Variants in ABCD3 observed in about 807,000 individuals in gnomAD.
ABCD3 encodes the protein ATP binding cassette subfamily D member 3.
In ABCD3, 41 loss-of-function variants were observed where a neutral mutation model predicts 105.5. The observed-to-expected ratio is 0.39, with a 90% CI of 0.30 to 0.50. The LOEUF (loss-of-function observed/expected upper bound fraction) is 0.50, where lower values mean the gene tolerates loss of function less well. Ranked by LOEUF, ABCD3 falls within the 20% of genes least tolerant of loss-of-function variation. The pLI is 0.84. For missense variants in ABCD3, 622 were observed against 806.3 expected (o/e 0.77, Z 2.77); for synonymous variants, 258 against 269.0 (o/e 0.96, Z 0.40).
intron 1 of ABCD3, chr1:94,418,796 T>C (rs1457812907): frequency 1.7e-6 from 1 of 587,534 alleles, no homozygotes; most frequent in African/African-American, 1.9e-5. Context: ...TCCGGCGACC[T>C]CGCTCCACCC....
chr1:94,419,473 A>G (rs1659172629), intron 1 of ABCD3: 3 of 424,562 alleles, frequency 7.1e-6, no homozygotes, highest in South Asian at 9.9e-5. Context: ...TATGTATGTC[A>G]CATACATGCA....
At chr1:94,477,171 G>C (rs1648785276) in intron 7 of ABCD3, among the ~76,000 whole-genome samples, 1 of 115,302 alleles carries the variant, frequency 8.7e-6, no homozygotes. Context: ...TTTGTCATAA[G>C]TTTTAACAGT....
intron 1 of ABCD3, among the ~76,000 whole-genome samples, chr1:94,434,639 G>A (rs1438093318): frequency 6.6e-6 from 1 of 152,138 alleles, no homozygotes; most frequent in African/African-American, 2.4e-5. Context: ...ATGTTATGCA[G>A]TACATGAGTG....
intron 4 of ABCD3, among the ~76,000 whole-genome samples, chr1:94,472,454 GTT>G (rs4148072): frequency 1.2e-3 from 179 of 143,782 alleles, no homozygotes; most frequent in Admixed American, 1.4e-3. Flanking sequence ...TGTAGTTAGC[GTT>G]TTTTTTTTTT....
chr1:94,463,638 T>TCC (rs1408284408), intron 2 of ABCD3, among the ~76,000 whole-genome samples: 1 of 152,130 alleles, frequency 6.6e-6, no homozygotes, highest in Non-Finnish European at 1.5e-5. Context: ...TTCCAAGAAG[T>TCC]TTCCCCTGTC....
At chr1:94,488,098 G>A (rs1649355606) in intron 13 of ABCD3, 115 bp downstream of exon 13, 1 of 908,378 alleles carries the variant, frequency 1.1e-6, no homozygotes, top group Non-Finnish European at 1.7e-6. Context: ...GCCCAGGAAG[G>A]TGGTTTTGAT....
chr1:94,441,057 G>T (rs1186894625), intron 1 of ABCD3, among the ~76,000 whole-genome samples: 2 of 152,158 alleles, frequency 1.3e-5, no homozygotes. Flanking sequence ...CCTGGGTGTA[G>T]GGAAAGCTTT....
At chr1:94,477,696 G>T (rs1466995815) in intron 7 of ABCD3, among the ~76,000 whole-genome samples, 1 of 67,580 alleles carries the variant, frequency 1.5e-5, no homozygotes, top group African/African-American at 3.3e-5. Context: ...AGTTGTCTCT[G>T]TGTGTAAAGA....
the ABCD3 span, among the ~76,000 whole-genome samples, chr1:94,401,894 A>T: frequency 6.6e-6 from 1 of 152,282 alleles, no homozygotes; most frequent in Non-Finnish European, 1.5e-5. Flanking sequence ...TACCCATAAA[A>T]CCACCACCCC....
intron 17 of ABCD3, 39 bp from the exon 18 acceptor site, chr1:94,498,744 A>G: frequency 6.2e-7 from 1 of 1,613,380 alleles, no homozygotes; most frequent in Non-Finnish European, 8.5e-7. Context: ...CACTTTGTAA[A>G]TTTTACAATT....
At chr1:94,486,039 A>G (rs1649262131) in intron 10 of ABCD3, among the ~76,000 whole-genome samples, 1 of 152,116 alleles carries the variant, frequency 6.6e-6, no homozygotes, top group South Asian at 2.1e-4. Flanking sequence ...TAAAAATACA[A>G]AAATTAGCCG....
the ABCD3 span, among the ~76,000 whole-genome samples, chr1:94,392,031 G>GT: frequency 6.6e-6 from 1 of 152,108 alleles, no homozygotes; most frequent in African/African-American, 2.4e-5. Flanking sequence ...GAAAGTTGGG[G>GT]TTTTTTCTTT....
At chr1:94,415,995 C>T (rs1454330223), upstream of ABCD3, among the ~76,000 whole-genome samples, 3 of 152,152 alleles carry the variant, frequency 2.0e-5, no homozygotes, top group Admixed American at 6.5e-5. Flanking sequence ...TATTTGAGCT[C>T]GAATAACTAG....
At chr1:94,445,182 C>T (rs760925621) in intron 1 of ABCD3, among the ~76,000 whole-genome samples, 3 of 152,190 alleles carry the variant, frequency 2.0e-5, no homozygotes, top group Non-Finnish European at 4.4e-5. Flanking sequence ...GCTCTCAGCT[C>T]TGAAGGCTGT....
chr1:94,502,617 C>G (rs1179875925), intron 20 of ABCD3, among the ~76,000 whole-genome samples: 1 of 151,830 alleles, frequency 6.6e-6, no homozygotes. Flanking sequence ...CTGCCTCAGC[C>G]TCCCAAGTAG....
the ABCD3 span, among the ~76,000 whole-genome samples, chr1:94,387,317 A>C: frequency 6.6e-6 from 1 of 152,304 alleles, no homozygotes. Flanking sequence ...TGGAAACTGG[A>C]AGCAGTGATG....
intron 1 of ABCD3, among the ~76,000 whole-genome samples, chr1:94,421,562 ATGTGTGTGTG>A (rs3073023): frequency 3.4e-5 from 5 of 149,028 alleles, no homozygotes; most frequent in South Asian, 2.2e-4. Flanking sequence ...GAGCTATAAG[ATGTGTGTGTG>A]TGTGTGTGTG....
chr1:94,511,989 G>A (rs1465638918), intron 21 of ABCD3, among the ~76,000 whole-genome samples: 12 of 151,070 alleles, frequency 7.9e-5, no homozygotes, highest in South Asian at 6.3e-4. Context: ...TCTTCTCTCA[G>A]CTCGTCAAAG....
At chr1:94,463,561 G>A (rs1338244181) in intron 2 of ABCD3, among the ~76,000 whole-genome samples, 1 of 152,208 alleles carries the variant, frequency 6.6e-6, no homozygotes, top group Non-Finnish European at 1.5e-5. Context: ...AGATAAGTGA[G>A]CTGTGATAAT....
Sources: gnomAD v4.1 joint callset for allele counts (sites outside exome capture counted in the v4.1 genomes callset) on GRCh38, gnomAD v4.1.1 for gene constraint, MANE v1.5 for transcripts, NCBI Gene and HGNC (gene_info 2026-07-23, HGNC 2026-07-21) for gene names.